FGD2: variants seen among roughly 807,000 people sequenced by gnomAD.
FGD2 encodes the protein FYVE, RhoGEF and PH domain containing 2, also known as FYVE, RhoGEF and PH domain-containing protein 2.
In FGD2, 52 loss-of-function variants were observed where a neutral mutation model predicts 75.9. The ratio of observed to expected loss-of-function variants is 0.69; its 90% CI spans 0.55 to 0.86. The LOEUF (loss-of-function observed/expected upper bound fraction) is 0.86. Among genes scored for constraint, FGD2 ranks in the 40% least tolerant of loss-of-function variants. The pLI, the probability that FGD2 is intolerant of heterozygous loss-of-function variation, is 0.00. For synonymous variants in FGD2, 347 were observed against 348.6 expected (o/e 1.00, Z 0.05); for missense variants, 790 against 872.0 (o/e 0.91, Z 1.18).
chr6:37,021,365 T>A, intron 11 of FGD2, 147 bp from the exon 12 acceptor site: 1 of 658,422 alleles, frequency 1.5e-6, no homozygotes, highest in Non-Finnish European at 2.6e-6. Flanking sequence ...TCTCCTCCGA[T>A]AAGGCAGCCC....
chr6:37,025,462 G>A (rs551118605), intron 13 of FGD2: 11 of 328,958 alleles, frequency 3.3e-5, no homozygotes, highest in South Asian at 2.6e-4. Flanking sequence ...CCAGTGGCCC[G>A]TCTGGGGCAA....
chr6:37,022,510 G>T lies in FGD2; in HGVS notation c.1458+140G>T, dbSNP rs1203822368. On this transcript the variant is annotated intron_variant, in intron 13 of 15. Transcript: ENST00000274963. ...ACCTGCCCCACCTCGGCCTCCATCT[G>T]TGTCACCTCCACCTGTCCCTCCGAG... The T allele has an allele frequency of 1.5e-5, 18 of 1,220,156 alleles. 1 individual carries two copies. The highest frequency in any genetic ancestry group is 1.7e-5 in the Non-Finnish European group (16 of 924,876). 75.6% of individuals were successfully genotyped at this position (1,220,156 alleles called of 1,614,324 possible).
chr6:37,022,155 G>A, intron 12 of FGD2, 84 bp from the exon 13 acceptor site: 1 of 1,489,890 alleles, frequency 6.7e-7, no homozygotes, highest in Non-Finnish European at 8.9e-7. Context: ...TACAGCAGGT[G>A]GGCACAGGGC....
intron 4 of FGD2, 173 bp from the exon 5 acceptor site, chr6:37,013,436 G>A (rs1355482487): frequency 1.6e-5 from 23 of 1,419,452 alleles, no homozygotes; most frequent in Non-Finnish European, 2.0e-5. Context: ...GAGGCTCACA[G>A]TCTAAGGAGT....
chr6:37,012,273 A>G (rs1261778300), intron 4 of FGD2, among the ~76,000 whole-genome samples: 1 of 152,246 alleles, frequency 6.6e-6, no homozygotes, highest in Non-Finnish European at 1.5e-5. Context: ...TAAAGCATTT[A>G]ACAGTGAAGT....
intron 14 of FGD2, among the ~76,000 whole-genome samples, chr6:37,026,934 G>C (rs1209741043): frequency 6.6e-6 from 1 of 152,042 alleles, no homozygotes; most frequent in African/African-American, 2.4e-5. Context: ...CTTGAACCCG[G>C]GAGGTGGAGG....
chr6:37,017,181 C>T (rs1404136123), intron 9 of FGD2, among the ~76,000 whole-genome samples: 2 of 152,206 alleles, frequency 1.3e-5, no homozygotes, highest in East Asian at 3.9e-4. Context: ...TCCTCCTGCC[C>T]AGCTGCATTG....
chr6:37,028,474 T>C lies in FGD2; in HGVS notation c.*311T>C, dbSNP rs1410357030. On this transcript the variant is annotated 3_prime_UTR_variant, in exon 16 of 16. Coordinates refer to ENST00000274963, the MANE Select transcript of FGD2 (RefSeq NM_173558.4). ...ACTGGTGGTCACCATAGTATGGTTT[T>C]TCATTTGTATCTCCTGGGGAGCTTT... 1 of 353,206 alleles carries C rather than the reference T, an allele frequency of 2.8e-6. No homozygotes were observed. Among genetic ancestry groups the C allele is most frequent in the Non-Finnish European group, 5.1e-6 (1 of 195,408 alleles). 21.9% of individuals were successfully genotyped at this position (353,206 alleles called of 1,614,324 possible).
rs1765154704 is a variant in FGD2 at position 37,014,015 on chromosome 6, G to A, written c.738G>A (p.Val246=). 4 of 1,613,984 alleles carry A rather than the reference G, an allele frequency of 2.5e-6. No individual in the cohort carries two copies. Among genetic ancestry groups the A allele is most frequent in the African/African-American group, 1.3e-5 (1 of 74,926 alleles). ...TGCAGCACCACATGCTGGAACCAGT[G>A]CAGAGAATTCCACGTTACGAGCTGC... ...LTLQHHMLEP[V]QRIPRYELLL... The change falls in exon 6 of 16, where the codon GTG becomes GTA. Residue 246 remains valine, a synonymous_variant. Transcript: ENST00000274963.
At chr6:37,018,528 A>C (rs997999461) in intron 9 of FGD2, among the ~76,000 whole-genome samples, 2 of 152,214 alleles carry the variant, frequency 1.3e-5, no homozygotes, top group African/African-American at 4.8e-5. Flanking sequence ...CCTAGTTCAC[A>C]GCAGCTGATT....
chr6:37,014,555 C>G, intron 6 of FGD2, 91 bp from the exon 7 acceptor site: 4 of 1,466,378 alleles, frequency 2.7e-6, no homozygotes, highest in Non-Finnish European at 3.7e-6. Context: ...ATGGCAGGTC[C>G]TGAGGGCCCT....
chr6:37,025,634 G>A, intron 13 of FGD2, 158 bp from the exon 14 acceptor site: 1 of 730,532 alleles, frequency 1.4e-6, no homozygotes, highest in Non-Finnish European at 2.3e-6. Context: ...TCACCAGCAT[G>A]GGGGAGCATC....
chr6:37,024,285 A>T (rs1765717394), intron 13 of FGD2: 1 of 152,212 alleles, frequency 6.6e-6, no homozygotes, highest in African/African-American at 2.4e-5. Context: ...GGTTGCAGTG[A>T]GCCCAGATCA....
At chr6:37,014,247 C>G in intron 6 of FGD2, 147 bp downstream of exon 6, 1 of 984,742 alleles carries the variant, frequency 1.0e-6, no homozygotes, top group Non-Finnish European at 1.5e-6. Context: ...ATACCATTAG[C>G]CATTTTTCAC....
At position 37,029,060 on chromosome 6, in the gene FGD2, T is replaced by C. The variant is rs1030465039; in HGVS notation, c.*897T>C. On this transcript the variant is annotated 3_prime_UTR_variant, in exon 16 of 16. Transcript: ENST00000274963. ...TAGTAATAATAATAATAAACATCTA[T>C]TGGACCAGGCTCTGTGCAAGGTGTT... The C allele has an allele frequency of 3.3e-5, 5 of 151,990 alleles. No homozygotes were observed. Among genetic ancestry groups the C allele is most frequent in the Non-Finnish European group, 7.4e-5 (5 of 68,006 alleles). 9.4% of individuals were successfully genotyped at this position (151,990 alleles called of 1,614,324 possible).
chr6:37,018,334 C>T (rs1184952678), intron 9 of FGD2, among the ~76,000 whole-genome samples: 1 of 152,164 alleles, frequency 6.6e-6, no homozygotes, highest in Admixed American at 6.5e-5. Flanking sequence ...ACTCCAGCAG[C>T]CGCACAGCAC....
In FGD2 at chr6:37,014,983, C is replaced by T. The variant is rs766565997; in HGVS notation, c.974C>T (p.Pro325Leu). ...TCTAACACCCTGCTCCGTGAGGGCCCGGTCCTCAAGATCTCCTTCCGCCGC... is the reference window on the plus strand; with the variant it reads ...TCTAACACCCTGCTCCGTGAGGGCCTGGTCCTCAAGATCTCCTTCCGCCGC... Reference protein sequence around the residue: ...DPSNTLLREGPVLKISFRRND... With the variant: ...DPSNTLLREGLVLKISFRRND... The change falls in exon 8 of 16, where the codon CCG becomes CTG. Residue 325 changes from proline to leucine, a missense_variant. Pro to Leu is a moderately conservative substitution (Grantham distance 98, BLOSUM62 -3). Transcript: ENST00000274963. 1.4e-5 allele frequency: 22 copies of T among 1,614,106 alleles called. No homozygotes were observed. In the East Asian group the frequency reaches 2.2e-4, roughly 16 times the overall value.
chr6:37,011,411 G>T (rs553367112), intron 3 of FGD2: 8 of 555,526 alleles, frequency 1.4e-5, no homozygotes, highest in Admixed American at 3.2e-5. Context: ...ATTCATCACC[G>T]CAGGGAGCTC....
chr6:37,018,838 G>A (rs562694559), intron 9 of FGD2, among the ~76,000 whole-genome samples: 28 of 152,342 alleles, frequency 1.8e-4, no homozygotes, highest in Non-Finnish European at 3.2e-4. Flanking sequence ...TCAGTAAAGT[G>A]TTTTGAGGAA....
Sources: gnomAD v4.1 joint callset for allele counts (sites outside exome capture counted in the v4.1 genomes callset) on GRCh38, gnomAD v4.1.1 for gene constraint, MANE v1.5 for transcripts, NCBI Gene and HGNC (gene_info 2026-07-23, HGNC 2026-07-21) for gene names.